DDX5: variants seen among roughly 807,000 people sequenced by gnomAD.
DDX5 encodes probable ATP-dependent RNA helicase DDX5.
Under a neutral mutation model 68.6 loss-of-function variants are expected in DDX5, and 6 were observed. The observed-to-expected ratio is 0.09, with a 90% CI of 0.05 to 0.17. The LOEUF (loss-of-function observed/expected upper bound fraction) is 0.17. Among genes scored for constraint, DDX5 ranks in the 10% least tolerant of loss-of-function variants. The probability of loss-of-function intolerance (pLI) is 1.00; values close to 1 mark genes in which losing one functional copy is unlikely to be tolerated. For missense variants in DDX5, 499 were observed against 756.1 expected, an observed-to-expected ratio of 0.66 and a Z score of 3.99; for synonymous variants, 350 against 247.0, an observed-to-expected ratio of 1.42 and a Z score of -3.91.
chr17:64,504,499 T>C, intron 2 of DDX5, 178 bp downstream of exon 2: 1 of 946,932 alleles, frequency 1.1e-6, no homozygotes, highest in Non-Finnish European at 1.5e-6. Context: ...CTCAACCTAA[T>C]TTAAGTAAAA....
chr17:64,503,348 C>G lies in DDX5; in HGVS notation c.650G>C (p.Gly217Ala), dbSNP rs1555671451. The change falls in exon 7 of 13, where the codon GGT (glycine) becomes GCT (alanine). Residue 217 changes from glycine (G) to alanine (A), a missense_variant and splice_region_variant. Physicochemically the swap from Gly to Ala is moderately conservative, Grantham distance 60 (BLOSUM62 0). Coordinates refer to ENST00000225792, the MANE Select transcript of DDX5 (RefSeq NM_004396.5). ...KGPQIRDLER[G>A]VEICIATPGR... The stretch of plus-strand genomic sequence containing the variant: ...AGGTGTTGCAATACAGATTTCCACA[C>G]CTTTAATTAAATACGTAAGTGTAAC... The G allele has an allele frequency of 6.2e-7, 1 of 1,614,024 alleles. No homozygotes were observed. Among genetic ancestry groups the G allele is most frequent in the African/African-American group, 1.3e-5 (1 of 74,914 alleles).
At position 64,498,740 on chromosome 17, in the gene DDX5, C is replaced by T. The variant is rs2038218568; in HGVS notation, c.*1183G>A. ...TCAGACTCTGGGAAAACATTCAGAC[C>T]CACTTCTAGCTATTACTGAAATAAA... On this transcript the variant is annotated 3_prime_UTR_variant, in exon 13 of 13. Coordinates refer to ENST00000225792, the MANE Select transcript of DDX5 (RefSeq NM_004396.5). Among the ~76,000 whole-genome samples the T allele has an allele frequency of 6.6e-6, 1 of 152,072 alleles. No individual in the cohort carries two copies. The highest frequency in any genetic ancestry group is 2.4e-5 in the African/African-American group (1 of 41,388).
chr17:64,498,587 C>T lies in DDX5; in HGVS notation c.*1336G>A, dbSNP rs1307686798. The stretch of plus-strand genomic sequence containing the variant: ...AAGTCCTAGAAATATCACTCCCTAT[C>T]CCAGCCCTAGCAAATTCTAACTTTA... On this transcript the variant is annotated 3_prime_UTR_variant, in exon 13 of 13. Transcript: ENST00000225792. Among the ~76,000 whole-genome samples the T allele has an allele frequency of 6.6e-6, 1 of 152,198 alleles. No individual in the cohort carries two copies. The highest frequency in any genetic ancestry group is 2.4e-5 in the African/African-American group (1 of 41,450).
rs2038339487 is a variant in DDX5, at chr17:64,503,106, AT to A, written c.811-9del. The A allele has an allele frequency of 6.2e-7, 1 of 1,611,682 alleles. No individual in the cohort carries two copies. The highest frequency in any genetic ancestry group is 1.3e-5 in the African/African-American group (1 of 74,804). ...TAGAGTTTGCCTATCAGGCTAATGG[AT>A]TTTGGGGGGAAAAATTAGTATCAGA... On this transcript the variant is annotated splice_polypyrimidine_tract_variant and intron_variant, in intron 7 of 12. Coordinates refer to ENST00000225792, the MANE Select transcript of DDX5 (RefSeq NM_004396.5).
In DDX5 at chr17:64,500,146, G is replaced by C. The variant is rs368019038; in HGVS notation, c.1622C>G (p.Thr541Ser). The C allele has an allele frequency of 2.5e-6, 4 of 1,614,156 alleles. No homozygotes were observed. In the South Asian group the frequency reaches 4.4e-5, roughly 18 times the overall value. ...QNGVYSAANY[T>S]NGSFGSNFVS... ...AAAATTACTTCCAAAGCTCCCATTGGTGTAATTTGCAGCACTGTAAACACC... is the reference window on the plus strand; with the variant it reads ...AAAATTACTTCCAAAGCTCCCATTGCTGTAATTTGCAGCACTGTAAACACC... Residue 541 changes from threonine (T) to serine (S), a missense_variant, in exon 13 of 13, where the codon ACC (threonine) becomes AGC (serine). Thr to Ser is a moderately conservative substitution (Grantham distance 58). Transcript: ENST00000225792.
Position 64,498,647 on chromosome 17 carries a change from TCA to T in DDX5, c.*1274_*1275del, listed in dbSNP as rs1486599252. Among the ~76,000 whole-genome samples, 1 of 152,160 alleles carries T rather than the reference TCA, an allele frequency of 6.6e-6. No homozygotes were observed. Among genetic ancestry groups the T allele is most frequent in the Non-Finnish European group, 1.5e-5 (1 of 68,034 alleles). ...TAAGGCATTAACATCAATTAAAGCC[TCA>T]GTTTAATAATCAGAATTTAAATGAA... On this transcript the variant is annotated 3_prime_UTR_variant, in exon 13 of 13. Transcript: ENST00000225792.
At chr17:64,501,985 G>A in intron 11 of DDX5, 25 bp downstream of exon 11, 7 of 1,609,462 alleles carry the variant, frequency 4.3e-6, no homozygotes, top group African/African-American at 1.3e-5. Flanking sequence ...GGGAAACCAA[G>A]CCATGAATGC....
rs2038484442 is a variant in DDX5, at chr17:64,505,899, A to T, written c.44+177T>A. ...CAAGCTTGAAGACACTACACCGTCAAATCTCTTCCAATCACTGTGACGTGA... is the reference window on the plus strand; with the variant it reads ...CAAGCTTGAAGACACTACACCGTCATATCTCTTCCAATCACTGTGACGTGA... On this transcript the variant is annotated intron_variant, in intron 1 of 12. Transcript: ENST00000225792. The T allele has an allele frequency of 4.6e-6, 7 of 1,534,774 alleles. No homozygotes were observed. The Admixed American group carries it at 9.8e-5, about 22-fold the overall frequency.
Position 64,499,546 on chromosome 17 carries a change from C to CA in DDX5, c.*376dup, listed in dbSNP as rs77689435. 0.013 allele frequency: 2,526 copies of CA among 201,672 alleles called. 2 individuals carry two copies. Among genetic ancestry groups the CA allele is most frequent in the East Asian group, 0.019 (230 of 12,248 alleles). The allele number at this position is 201,672 out of a possible 1,614,324, so 12.5% of individuals were successfully genotyped here. A position where few individuals can be genotyped will look rare whatever the true frequency, so the allele number is the denominator to read the frequency against. ...ATGGAAAAAAAAAACCAAACAAAAA[C>CA]AAAAAAAAAACCAGACCATCTTAAG... On this transcript the variant is annotated 3_prime_UTR_variant, in exon 13 of 13. Coordinates refer to ENST00000225792, the MANE Select transcript of DDX5 (RefSeq NM_004396.5).
intron 1 of DDX5, 57 bp downstream of exon 1, chr17:64,506,019 G>GGGCCCCCCCCCCCAC: frequency 7.4e-7 from 1 of 1,360,426 alleles, no homozygotes; most frequent in Non-Finnish European, 1.0e-6. Flanking sequence ...CCGCCACCCT[G>GGGCCCCCCCCCCCAC]ACCCGCCCTC....
At chr17:64,506,443 C>T (rs1445895060), upstream of DDX5, 5 of 1,331,066 alleles carry the variant, frequency 3.8e-6, no homozygotes, top group East Asian at 3.0e-5. Context: ...TTCACCCCTC[C>T]CCGCGCCACT....
rs868913790 is a variant in DDX5 at position 64,499,285 on chromosome 17, G to C, written c.*638C>G. On this transcript the variant is annotated 3_prime_UTR_variant, in exon 13 of 13. Coordinates refer to ENST00000225792, the MANE Select transcript of DDX5 (RefSeq NM_004396.5). The stretch of plus-strand genomic sequence containing the variant: ...GTTCTCACACTATATAGATGACTTT[G>C]TATCTATTTTACTATTTTCTCATTT... 6.6e-6 allele frequency among the ~76,000 whole-genome samples: 1 copy of C among 152,076 alleles called. No homozygotes were observed. Among genetic ancestry groups the C allele is most frequent in the African/African-American group, 2.4e-5 (1 of 41,404 alleles).
chr17:64,502,365 C>T (rs1555671253), intron 9 of DDX5, 74 bp downstream of exon 9: 30 of 1,446,716 alleles, frequency 2.1e-5, no homozygotes, highest in Non-Finnish European at 1.9e-6. Flanking sequence ...AAAAAATCCA[C>T]TGCTCGTGAT....
chr17:64,506,032 A>ACACCCC, intron 1 of DDX5, 44 bp downstream of exon 1: 2 of 442,502 alleles, frequency 4.5e-6, no homozygotes, highest in Non-Finnish European at 6.3e-6. Context: ...CCGCCCTCCC[A>ACACCCC]TCCCCCCACC....
At chr17:64,504,551 C>G in intron 2 of DDX5, 126 bp downstream of exon 2, 1 of 1,204,458 alleles carries the variant, frequency 8.3e-7, no homozygotes, top group Non-Finnish European at 1.2e-6. Flanking sequence ...CACACCTTTC[C>G]CAATTATGAA....
Position 64,499,551 on chromosome 17 carries a change from A to G in DDX5, c.*372T>C, listed in dbSNP as rs1454173974. On this transcript the variant is annotated 3_prime_UTR_variant, in exon 13 of 13. Transcript: ENST00000225792. ...AAAAAAAAACCAAACAAAAACAAAA[A>G]AAAAACCAGACCATCTTAAGCAAAG... is the stretch of plus-strand genomic sequence containing the variant. 1.3e-5 allele frequency: 3 copies of G among 234,912 alleles called. No individual in the cohort carries two copies. The highest frequency in any genetic ancestry group is 6.6e-5 in the African/African-American group (3 of 45,202). 14.6% of individuals were successfully genotyped at this position (234,912 alleles called of 1,614,324 possible).
chr17:64,504,522 C>A, intron 2 of DDX5, 155 bp downstream of exon 2: 2 of 1,051,960 alleles, frequency 1.9e-6, no homozygotes, highest in South Asian at 1.7e-5. Flanking sequence ...CCCAAAGCCA[C>A]CTATATCCAA....
chr17:64,505,824 G>A (rs782305159), intron 1 of DDX5: 60 of 1,535,992 alleles, frequency 3.9e-5, no homozygotes, highest in Non-Finnish European at 4.9e-5. Flanking sequence ...TCCCTCAACA[G>A]CTACCAAATG....
In DDX5 at chr17:64,499,250, A is replaced by G. The variant is rs759136282; in HGVS notation, c.*673T>C. Among the ~76,000 whole-genome samples, 35 of 152,324 alleles carry G rather than the reference A, an allele frequency of 2.3e-4. No homozygotes were observed. Among genetic ancestry groups the G allele is most frequent in the Non-Finnish European group, 2.8e-4 (19 of 68,022 alleles). ...CTTTTTAAATTATAAACTTTGAAAA[A>G]GTCACCCACGTTCTCACACTATATA... On this transcript the variant is annotated 3_prime_UTR_variant, in exon 13 of 13. Transcript: ENST00000225792.
Sources: allele counts gnomAD v4.1 joint callset (sites outside exome capture counted in the v4.1 genomes callset), GRCh38; gene constraint gnomAD v4.1.1; transcripts MANE v1.5; gene names NCBI Gene and HGNC (gene_info 2026-07-23, HGNC 2026-07-21).